TRPM3: variants seen among roughly 807,000 people sequenced by gnomAD.
The protein encoded by TRPM3 is transient receptor potential cation channel subfamily M member 3, also known as long transient receptor potential channel 3.
Under a neutral mutation model 181.2 loss-of-function variants are expected in TRPM3, and 77 were observed. The observed-to-expected ratio is 0.42, with a 90% CI of 0.35 to 0.51. TRPM3 has a LOEUF of 0.51. Ranked by LOEUF, TRPM3 falls within the 20% of genes least tolerant of loss-of-function variation. The pLI is 0.01. For missense variants in TRPM3, 1,759 were observed against 2,196.7 expected (o/e 0.80, Z 3.98); for synonymous variants, 745 against 796.4 (o/e 0.94, Z 1.09).
At chr9:71,440,054 C>T (rs1030577592) in intron 1 of TRPM3, among the ~76,000 whole-genome samples, 1 of 152,092 alleles carries the variant, frequency 6.6e-6, no homozygotes, top group Non-Finnish European at 1.5e-5. Context: ...ACCCAGGAGG[C>T]GAAGCTTGCA....
chr9:70,555,697 G>A (rs1339148167), intron 22 of TRPM3, among the ~76,000 whole-genome samples: 1 of 152,050 alleles, frequency 6.6e-6, no homozygotes, highest in African/African-American at 2.4e-5. Context: ...CTACCCACTT[G>A]GCCACAGGCC....
chr9:71,275,490 G>A (rs750726686), intron 1 of TRPM3, among the ~76,000 whole-genome samples: 5 of 151,586 alleles, frequency 3.3e-5, no homozygotes, highest in East Asian at 1.9e-4. Flanking sequence ...TTCCAACCCC[G>A]TGTGTGTGTG....
At chr9:71,037,510 C>T (rs913851452) in intron 1 of TRPM3, among the ~76,000 whole-genome samples, 1 of 152,222 alleles carries the variant, frequency 6.6e-6, no homozygotes, top group Non-Finnish European at 1.5e-5. Context: ...AAGGAAGACA[C>T]TTATACGTGT....
At chr9:70,603,305 G>A (rs776944843) in intron 20 of TRPM3, 37 bp downstream of exon 20, 4 of 1,602,680 alleles carry the variant, frequency 2.5e-6, no homozygotes, top group Non-Finnish European at 3.4e-6. Flanking sequence ...CTTAACCACT[G>A]TCTTTCTCTT....
Position 70,949,224 on chromosome 9 carries a change from T to G in TRPM3, c.178-84713A>C, listed in dbSNP as rs577330533. On this transcript the variant is annotated intron_variant, in intron 1 of 25. Transcript: ENST00000677713. ...ACAGTAGTCTTTTTTTTTTAATTTTTAAAAATAATTTTTAGTAGAGATGAG... is the reference window on the plus strand; with the variant it reads ...ACAGTAGTCTTTTTTTTTTAATTTTGAAAAATAATTTTTAGTAGAGATGAG... Among the ~76,000 whole-genome samples the G allele has an allele frequency of 2.0e-5, 3 of 152,096 alleles. No individual in the cohort carries two copies. The East Asian group carries it at 5.8e-4, about 29-fold the overall frequency.
chr9:70,753,631 G>A (rs2076565244), intron 8 of TRPM3, among the ~76,000 whole-genome samples: 1 of 152,136 alleles, frequency 6.6e-6, no homozygotes, highest in African/African-American at 2.4e-5. Flanking sequence ...TTTTGAACAT[G>A]TTTTTACACA....
chr9:71,437,553 A>G (rs1183130635), intron 1 of TRPM3, among the ~76,000 whole-genome samples: 1 of 152,170 alleles, frequency 6.6e-6, no homozygotes, highest in East Asian at 1.9e-4. Flanking sequence ...TTGAATGATT[A>G]TAAGAGACCT....
intron 6 of TRPM3, among the ~76,000 whole-genome samples, chr9:70,823,622 C>T (rs545821068): frequency 3.3e-5 from 5 of 152,304 alleles, no homozygotes; most frequent in Non-Finnish European, 5.9e-5. Flanking sequence ...TTATTTTTCT[C>T]GAAAGCACTT....
At chr9:70,880,862 T>C (rs1020426262) in intron 1 of TRPM3, among the ~76,000 whole-genome samples, 1 of 152,146 alleles carries the variant, frequency 6.6e-6, no homozygotes, top group African/African-American at 2.4e-5. Flanking sequence ...TACAGTCCTC[T>C]TCCACCTGGC....
At chr9:71,054,720 A>G (rs1047080397) in intron 1 of TRPM3, among the ~76,000 whole-genome samples, 4 of 152,110 alleles carry the variant, frequency 2.6e-5, no homozygotes, top group East Asian at 1.9e-4. Flanking sequence ...ACTAGAGAAG[A>G]TGCTTTGGAT....
At chr9:71,190,228 C>T (rs1393220437) in intron 1 of TRPM3, among the ~76,000 whole-genome samples, 1 of 151,790 alleles carries the variant, frequency 6.6e-6, no homozygotes, top group African/African-American at 2.4e-5. Context: ...TACTGTTATC[C>T]CCATTTGAGT....
chr9:70,698,262 C>T (rs1040198709), intron 8 of TRPM3, among the ~76,000 whole-genome samples: 8 of 151,842 alleles, frequency 5.3e-5, no homozygotes, highest in Middle Eastern at 6.8e-3. Flanking sequence ...TTCTTCAAGC[C>T]GATTCTCCAT....
At chr9:71,046,446 T>A (rs983825729) in intron 1 of TRPM3, among the ~76,000 whole-genome samples, 2 of 152,218 alleles carry the variant, frequency 1.3e-5, no homozygotes, top group African/African-American at 4.8e-5. Context: ...ATATTCAGTA[T>A]CTTGTAAATG....
At chr9:70,966,504 A>T (rs1041524071) in intron 1 of TRPM3, among the ~76,000 whole-genome samples, 14 of 152,300 alleles carry the variant, frequency 9.2e-5, no homozygotes, top group African/African-American at 3.1e-4. Flanking sequence ...ATGCCCATAA[A>T]TGGTCGACTA....
At chr9:71,446,238 G>T (rs997626026) in intron 1 of TRPM3, among the ~76,000 whole-genome samples, 5 of 152,168 alleles carry the variant, frequency 3.3e-5, no homozygotes, top group African/African-American at 1.2e-4. Flanking sequence ...TAAAAATATG[G>T]CATGCCCTTT....
At chr9:70,607,432 A>G (rs2061355486) in intron 19 of TRPM3, among the ~76,000 whole-genome samples, 1 of 151,880 alleles carries the variant, frequency 6.6e-6, no homozygotes, top group African/African-American at 2.4e-5. Context: ...AATTTTGGAG[A>G]ATCATGTAAA....
chr9:71,366,358 G>A (rs550949573), intron 1 of TRPM3, among the ~76,000 whole-genome samples: 1 of 152,152 alleles, frequency 6.6e-6, no homozygotes, highest in Non-Finnish European at 1.5e-5. Context: ...GGGACAGGGA[G>A]GGGCATGGAG....
At chr9:71,399,388 TCA>T (rs1290716225) in intron 1 of TRPM3, among the ~76,000 whole-genome samples, 2 of 152,214 alleles carry the variant, frequency 1.3e-5, no homozygotes. Flanking sequence ...TTTTATGTGA[TCA>T]CAGTGATTAT....
chr9:70,649,924 T>C (rs2059393403), intron 9 of TRPM3, among the ~76,000 whole-genome samples: 1 of 152,086 alleles, frequency 6.6e-6, no homozygotes, highest in Admixed American at 6.6e-5. Flanking sequence ...CCATTAATGG[T>C]GAATTGGATA....
Sources: allele counts gnomAD v4.1 joint callset (sites outside exome capture counted in the v4.1 genomes callset), GRCh38; gene constraint gnomAD v4.1.1; transcripts MANE v1.5; gene names NCBI Gene and HGNC (gene_info 2026-07-23, HGNC 2026-07-21).